Variants in HIP1 observed in about 807,000 individuals in gnomAD.
The protein encoded by HIP1 is huntingtin-interacting protein 1.
In HIP1, 65 loss-of-function variants were observed where a neutral mutation model predicts 147.6. The ratio of observed to expected loss-of-function variants is 0.44; its 90% CI spans 0.36 to 0.54. The LOEUF is 0.54. Among genes scored for constraint, HIP1 ranks in the 20% least tolerant of loss-of-function variants. The probability of loss-of-function intolerance (pLI) is 0.00; values close to 1 mark genes in which losing one functional copy is unlikely to be tolerated. For synonymous variants in HIP1, 479 were observed against 504.0 expected (o/e 0.95, Z 0.67); for missense variants, 1,061 against 1,299.6 (o/e 0.82, Z 2.82).
chr7:75,729,160 C>G (rs1261258733), intron 1 of HIP1, among the ~76,000 whole-genome samples: 1 of 123,964 alleles, frequency 8.1e-6, no homozygotes, highest in African/African-American at 3.0e-5. Context: ...GAAACTAGAA[C>G]AGGAAAAAAA....
At chr7:75,611,961 C>T in intron 1 of HIP1, 1 of 790,460 alleles carries the variant, frequency 1.3e-6, no homozygotes, top group Non-Finnish European at 1.6e-6. Context: ...GGGAAACCCT[C>T]TGGCCTTGCT....
At chr7:75,601,529 G>A (rs1306280054) in intron 1 of HIP1, among the ~76,000 whole-genome samples, 2 of 151,858 alleles carry the variant, frequency 1.3e-5, no homozygotes, top group Admixed American at 6.6e-5. Flanking sequence ...CTGGGAGGCA[G>A]AGGTTGCAGT....
chr7:75,730,732 T>C (rs1230089889), intron 1 of HIP1, among the ~76,000 whole-genome samples: 3 of 149,380 alleles, frequency 2.0e-5, no homozygotes, highest in African/African-American at 7.5e-5. Context: ...ATGTGGGCAG[T>C]AATTTTTTTT....
chr7:75,646,983 AC>A (rs1554511203), intron 1 of HIP1, among the ~76,000 whole-genome samples: 1 of 151,818 alleles, frequency 6.6e-6, no homozygotes, highest in East Asian at 1.9e-4. Flanking sequence ...CTGGAAGTGG[AC>A]CCTCCTGGTT....
chr7:75,683,828 A>G (rs2117277727), intron 1 of HIP1, among the ~76,000 whole-genome samples: 1 of 152,302 alleles, frequency 6.6e-6, no homozygotes, highest in African/African-American at 2.4e-5. Flanking sequence ...TTGACAGTTT[A>G]CAAAACGTCC....
chr7:75,719,397 A>G (rs1801430445), intron 1 of HIP1, among the ~76,000 whole-genome samples: 1 of 151,834 alleles, frequency 6.6e-6, no homozygotes, highest in African/African-American at 2.4e-5. Flanking sequence ...CCAGCTACTC[A>G]GGAGGCTGAG....
At chr7:75,626,329 T>C in intron 1 of HIP1, 1 of 152,196 alleles carries the variant, frequency 6.6e-6, no homozygotes, top group East Asian at 1.9e-4. Flanking sequence ...AGTAAGCCAA[T>C]GGATACATAT....
intron 5 of HIP1, 43 bp downstream of exon 5, chr7:75,586,710 A>G: frequency 8.1e-7 from 1 of 1,229,232 alleles, no homozygotes; most frequent in Non-Finnish European, 1.2e-6. Context: ...GGGATGGAGC[A>G]GGGGAGGCGG....
At chr7:75,606,107 C>T (rs1369035942) in intron 1 of HIP1, among the ~76,000 whole-genome samples, 3 of 152,136 alleles carry the variant, frequency 2.0e-5, no homozygotes, top group African/African-American at 7.2e-5. Context: ...CTTCAACCTC[C>T]TAAAGTGCTG....
At chr7:75,602,477 A>G (rs1797034047) in intron 1 of HIP1, among the ~76,000 whole-genome samples, 1 of 142,878 alleles carries the variant, frequency 7.0e-6, no homozygotes, top group Non-Finnish European at 1.5e-5. Flanking sequence ...CTGTTTTTCT[A>G]AATTCTCAGA....
chr7:75,691,803 C>A (rs572612117), intron 1 of HIP1, among the ~76,000 whole-genome samples: 182 of 151,648 alleles, frequency 1.2e-3, no homozygotes, highest in Middle Eastern at 6.8e-3. Flanking sequence ...AACAAACAAA[C>A]AAAAAAAACT....
chr7:75,588,414 T>C (rs1352069264), intron 4 of HIP1, among the ~76,000 whole-genome samples: 8 of 152,088 alleles, frequency 5.3e-5, no homozygotes, highest in African/African-American at 1.9e-4. Context: ...ATATATGAGA[T>C]GACTTTGGTT....
chr7:75,533,348 A>G lies in HIP1; in HGVS notation c.*4824T>C, dbSNP rs1793973228. 4.6e-6 allele frequency: 1 copy of G among 219,358 alleles called. No individual in the cohort carries two copies. Among genetic ancestry groups the G allele is most frequent in the Non-Finnish European group, 9.1e-6 (1 of 109,298 alleles). The allele number at this position is 219,358 out of a possible 1,614,324, so 13.6% of individuals were successfully genotyped here. On this transcript the variant is annotated 3_prime_UTR_variant, in exon 31 of 31. Coordinates refer to ENST00000336926, the MANE Select transcript of HIP1 (RefSeq NM_005338.7). ...AAAATTGAAAACACAGATGCAATGTATTATACAAAGAAAGGTCTTAATACC... is the reference window on the plus strand; with the variant it reads ...AAAATTGAAAACACAGATGCAATGTGTTATACAAAGAAAGGTCTTAATACC...
chr7:75,706,623 A>ATTTTT (rs71082342), intron 1 of HIP1, among the ~76,000 whole-genome samples: 56 of 103,562 alleles, frequency 5.4e-4, no homozygotes, highest in African/African-American at 7.5e-4. Context: ...TCAACTCGTC[A>ATTTTT]TTTTTTTTTT....
chr7:75,587,683 G>C (rs1419204836), intron 4 of HIP1, among the ~76,000 whole-genome samples: 3 of 152,136 alleles, frequency 2.0e-5, no homozygotes, highest in Non-Finnish European at 4.4e-5. Flanking sequence ...GTTGAGTCTG[G>C]CCAGGTGCAG....
chr7:75,698,081 G>C (rs1013450955), intron 1 of HIP1, among the ~76,000 whole-genome samples: 12 of 152,034 alleles, frequency 7.9e-5, no homozygotes, highest in African/African-American at 1.2e-4. Flanking sequence ...CTCCCAGCTA[G>C]GTGCCGGGAT....
intron 1 of HIP1, among the ~76,000 whole-genome samples, chr7:75,650,515 C>T (rs139002703): frequency 0.02 from 2,873 of 143,750 alleles, 37 homozygotes; most frequent in Middle Eastern, 0.034. Flanking sequence ...TGCAATGGTG[C>T]GATCTTGGCT....
intron 29 of HIP1, 87 bp downstream of exon 29, chr7:75,541,832 T>C: frequency 9.9e-7 from 1 of 1,008,174 alleles, no homozygotes; most frequent in Non-Finnish European, 1.6e-6. Context: ...TGTGTTCATT[T>C]CCCTCTGGCT....
At chr7:75,557,321 CT>C (rs1346861198) in intron 16 of HIP1, among the ~76,000 whole-genome samples, 8 of 151,662 alleles carry the variant, frequency 5.3e-5, no homozygotes, top group Non-Finnish European at 1.2e-4. Context: ...TTACTGCCGT[CT>C]CAAAAAACAA....
Sources: gnomAD v4.1 joint callset for allele counts (sites outside exome capture counted in the v4.1 genomes callset) on GRCh38, gnomAD v4.1.1 for gene constraint, MANE v1.5 for transcripts, NCBI Gene and HGNC (gene_info 2026-07-23, HGNC 2026-07-21) for gene names.